Variants in FANCA observed in about 807,000 individuals in gnomAD.
FANCA encodes the protein FA complementation group A.
FANCA carries 236 observed loss-of-function variants against 194.3 expected under a neutral mutation model. The observed-to-expected ratio is 1.21, with a 90% CI of 1.09 to 1.35. The LOEUF (loss-of-function observed/expected upper bound fraction) is 1.35, where lower values mean the gene tolerates loss of function less well. FANCA is among the 40% of genes most tolerant of loss of function. The pLI, the probability that FANCA is intolerant of heterozygous loss-of-function variation, is 0.00. For synonymous variants in FANCA, 1,014 were observed against 715.8 expected, an observed-to-expected ratio of 1.42 and a Z score of -6.65; for missense variants, 2,628 against 1,813.9, an observed-to-expected ratio of 1.45 and a Z score of -8.15.
intron 30 of FANCA, among the ~76,000 whole-genome samples, chr16:89,754,505 G>A (rs528387249): frequency 8.6e-5 from 13 of 151,998 alleles, no homozygotes; most frequent in Middle Eastern, 3.4e-3. Context: ...CCCAAGTAAC[G>A]GATTACAGGA....
At chr16:89,763,968 G>A (rs896382467) in intron 28 of FANCA, among the ~76,000 whole-genome samples, 5 of 151,458 alleles carry the variant, frequency 3.3e-5, no homozygotes, top group African/African-American at 4.8e-5. Context: ...GTTCTCGGGC[G>A]CAATGGCTCA....
rs1598091116 is a variant in FANCA, at chr16:89,758,485, G to A, written c.2981+92C>T. The A allele has an allele frequency of 3.3e-6, 5 of 1,507,112 alleles. No individual in the cohort carries two copies. The Admixed American group carries it at 8.5e-5, about 26-fold the overall frequency. 93.4% of individuals were successfully genotyped at this position (1,507,112 alleles called of 1,614,324 possible). The stretch of plus-strand genomic sequence containing the variant: ...AGGCAGACCCACCCTAAGCTAATTA[G>A]ATGGGCACCAGCATGGCCAGAAACT... On this transcript the variant is annotated intron_variant, in intron 30 of 42. Coordinates refer to ENST00000389301, the MANE Select transcript of FANCA (RefSeq NM_000135.4).
Position 89,739,256 on chromosome 16 carries a change from G to C in FANCA, c.4044C>G (p.Ile1348Met). 1 of 1,614,146 alleles carries C rather than the reference G, an allele frequency of 6.2e-7. No homozygotes were observed. The highest frequency in any genetic ancestry group is 1.1e-5 in the South Asian group (1 of 91,086). Residue 1348 changes from isoleucine to methionine, a missense_variant, in exon 41 of 43, where the codon ATC becomes ATG. Transcript: ENST00000389301. The stretch of plus-strand genomic sequence containing the variant: ...CAACATGCAGGAAGGCCTCTTCCCT[G>C]ATGGCCGCGTCTTCATGGAAGTAGG... ...LLSYFHEDAA[I>M]REEAFLHVAV...
chr16:89,758,156 C>T (rs1166945463), intron 30 of FANCA, among the ~76,000 whole-genome samples: 1 of 152,150 alleles, frequency 6.6e-6, no homozygotes, highest in Non-Finnish European at 1.5e-5. Context: ...CACGCCCAGC[C>T]CGAAGTTGTC....
chr16:89,787,959 C>A (rs1173682308), intron 14 of FANCA, among the ~76,000 whole-genome samples: 3 of 151,750 alleles, frequency 2.0e-5, no homozygotes, highest in African/African-American at 7.3e-5. Context: ...CTGCAACCTG[C>A]GCGTTCCGGG....
At chr16:89,812,817 G>C (rs181601717) in intron 3 of FANCA, among the ~76,000 whole-genome samples, 1 of 151,268 alleles carries the variant, frequency 6.6e-6, no homozygotes, top group East Asian at 1.9e-4. Context: ...GGTCGATCAC[G>C]AGGTCAGGAG....
chr16:89,783,565 A>G (rs555687042), intron 15 of FANCA, among the ~76,000 whole-genome samples: 16 of 151,260 alleles, frequency 1.1e-4, no homozygotes, highest in South Asian at 2.1e-4. Context: ...AAAAAAAACA[A>G]CAAAAAAAAA....
Position 89,816,621 on chromosome 16 carries a change from T to A in FANCA, c.-6A>T. 5.9e-6 allele frequency: 9 copies of A among 1,522,310 alleles called. No homozygotes were observed. The highest frequency in any genetic ancestry group is 7.9e-6 in the Non-Finnish European group (9 of 1,142,704). The allele number at this position is 1,522,310 out of a possible 1,614,324, so 94.3% of individuals were successfully genotyped here. ...GGGACCCACGAGTCGGACATGGCCTTGGCGCCTACAGCCCCGGCGGCGGCT... is the reference window on the plus strand; with the variant it reads ...GGGACCCACGAGTCGGACATGGCCTAGGCGCCTACAGCCCCGGCGGCGGCT... On this transcript the variant is annotated 5_prime_UTR_variant, in exon 1 of 43. Coordinates refer to ENST00000389301, the MANE Select transcript of FANCA (RefSeq NM_000135.4).
In FANCA at chr16:89,746,635, G is replaced by C. The variant is rs956023583; in HGVS notation, c.3462C>G (p.Phe1154Leu). 1 of 1,614,080 alleles carries C rather than the reference G, an allele frequency of 6.2e-7. No individual in the cohort carries two copies. The highest frequency in any genetic ancestry group is 8.5e-7 in the Non-Finnish European group (1 of 1,180,040). The change falls in exon 35 of 43, where the codon TTC (phenylalanine) becomes TTG (leucine). Residue 1154 changes from phenylalanine to leucine, a missense_variant. Transcript: ENST00000389301. ...ATTTCGTCTGGCACTTGGCCAGTAT[G>C]AAGTCGACCATCAGGGAGGGGTCTC... The part of the protein sequence containing the change: ...RSRDPSLMVD[F>L]ILAKCQTKCP...
At chr16:89,790,842 C>G (rs113347696) in intron 14 of FANCA, among the ~76,000 whole-genome samples, 7,732 of 150,984 alleles carry the variant, frequency 0.051, 697 homozygotes, top group African/African-American at 0.18. Context: ...TCTTTTTTTT[C>G]TTTTTGGGAT....
intron 14 of FANCA, among the ~76,000 whole-genome samples, chr16:89,785,713 C>T (rs552641600): frequency 9.8e-4 from 150 of 152,286 alleles, no homozygotes; most frequent in African/African-American, 1.8e-3. Context: ...CAAAACCAGA[C>T]GAGCTCCTGC....
In FANCA at chr16:89,811,040, C is replaced by T. The variant is rs2040860027; in HGVS notation, c.315G>A (p.Leu105=). The T allele has an allele frequency of 6.2e-7, 1 of 1,613,942 alleles. No homozygotes were observed. The highest frequency in any genetic ancestry group is 8.5e-7 in the Non-Finnish European group (1 of 1,180,046). Reference sequence around the variant, plus strand: ...CTGAGAGAATACCCACGGGAACCCCCAGCCTTGAGGCTTGATCCTGCAAAG... The same window carrying T: ...CTGAGAGAATACCCACGGGAACCCCTAGCCTTGAGGCTTGATCCTGCAAAG... ...GSALQDQASR[L]GVPVGILSAG... The change falls in exon 4 of 43, where the codon CTG becomes CTA. Residue 105 remains leucine (L), a synonymous_variant. Transcript: ENST00000389301.
intron 19 of FANCA, 24 bp from the exon 20 acceptor site, chr16:89,778,874 G>C (rs2039607300): frequency 1.2e-6 from 2 of 1,613,892 alleles, no homozygotes; most frequent in East Asian, 2.2e-5. Context: ...AGAGACCTGT[G>C]AGAGACTGAC....
intron 5 of FANCA, 94 bp from the exon 6 acceptor site, chr16:89,808,461 CT>C: frequency 1.5e-6 from 2 of 1,292,654 alleles, no homozygotes; most frequent in Non-Finnish European, 2.2e-6. Flanking sequence ...AAATGTTCAA[CT>C]TAGGTTCTTA....
intron 29 of FANCA, among the ~76,000 whole-genome samples, chr16:89,759,469 G>A (rs959860472): frequency 1.3e-5 from 2 of 151,798 alleles, no homozygotes; most frequent in African/African-American, 4.8e-5. Flanking sequence ...GGGGCTCAAG[G>A]AGACACTGAC....
chr16:89,803,384 CTCCAAGCAACTGTGAATGGCACAGACCA>C, intron 7 of FANCA, 43 bp from the exon 8 acceptor site: 1 of 1,549,820 alleles, frequency 6.5e-7, no homozygotes, highest in Non-Finnish European at 8.9e-7. Flanking sequence ...ACATCATGGT[CTCCAAGCAACTGTGAATGGCACAGACCA>C]TCCACTTCAG....
intron 14 of FANCA, among the ~76,000 whole-genome samples, chr16:89,786,571 C>T (rs372189561): frequency 5.3e-4 from 81 of 152,316 alleles, no homozygotes; most frequent in African/African-American, 1.7e-3. Context: ...CCTGCCTCGG[C>T]CTTCCAAAGT....
In FANCA at chr16:89,792,554, G is replaced by T. The variant is rs111271660; in HGVS notation, c.1007-7C>A. 1 of 1,612,562 alleles carries T rather than the reference G, an allele frequency of 6.2e-7. No individual in the cohort carries two copies. The highest frequency in any genetic ancestry group is 8.5e-7 in the Non-Finnish European group (1 of 1,179,822). On this transcript the variant is annotated splice_region_variant and splice_polypyrimidine_tract_variant and intron_variant, in intron 11 of 42. Coordinates refer to ENST00000389301, the MANE Select transcript of FANCA (RefSeq NM_000135.4). ...ATCTGAACAGCATCAGATGCTGCAGGGGGAGAAACAGACAAAAACTTCAAG... is the reference window on the plus strand; with the variant it reads ...ATCTGAACAGCATCAGATGCTGCAGTGGGAGAAACAGACAAAAACTTCAAG...
chr16:89,809,267 C>T (rs924715642), intron 5 of FANCA, among the ~76,000 whole-genome samples: 2 of 152,138 alleles, frequency 1.3e-5, no homozygotes, highest in Non-Finnish European at 2.9e-5. Context: ...ATCTGATATG[C>T]ATGTCCAACA....
Sources: gnomAD v4.1 joint callset for allele counts (sites outside exome capture counted in the v4.1 genomes callset) on GRCh38, gnomAD v4.1.1 for gene constraint, MANE v1.5 for transcripts, NCBI Gene and HGNC (gene_info 2026-07-23, HGNC 2026-07-21) for gene names.